The following DENND1A variants were observed in gnomAD, a reference collection of about 807,000 sequenced individuals.
DENND1A encodes DENN domain containing 1A, also known as DENN domain-containing protein 1A.
In DENND1A, 51 loss-of-function variants were observed where a neutral mutation model predicts 113.7. That is an observed-to-expected ratio of 0.45 (90% CI 0.36 to 0.57). DENND1A has a LOEUF of 0.57. Among genes scored for constraint, DENND1A ranks in the 20% least tolerant of loss-of-function variants. DENND1A has a pLI of 0.00. For synonymous variants in DENND1A, 565 were observed against 570.8 expected, an observed-to-expected ratio of 0.99 and a Z score of 0.14; for missense variants, 1,258 against 1,395.9, an observed-to-expected ratio of 0.90 and a Z score of 1.57.
chr9:123,581,301 C>T (rs2058880826), intron 12 of DENND1A, among the ~76,000 whole-genome samples: 1 of 152,190 alleles, frequency 6.6e-6, no homozygotes, highest in African/African-American at 2.4e-5. Context: ...CAAATGACTC[C>T]CCCAAAATCT....
intron 5 of DENND1A, among the ~76,000 whole-genome samples, chr9:123,743,405 GATAAATAAATAA>G (rs113375616): frequency 3.4e-5 from 5 of 147,990 alleles, no homozygotes; most frequent in Admixed American, 6.7e-5. Context: ...AGTCCCAAAA[GATAAATAAATAA>G]ATAAATAAAT....
intron 2 of DENND1A, among the ~76,000 whole-genome samples, chr9:123,827,436 C>A (rs1839526081): frequency 6.7e-6 from 1 of 149,360 alleles, no homozygotes; most frequent in Admixed American, 6.7e-5. Flanking sequence ...GAACACCTGA[C>A]CCTGGGAGGT....
intron 10 of DENND1A, among the ~76,000 whole-genome samples, chr9:123,616,722 A>C (rs1254793877): frequency 6.6e-6 from 1 of 152,190 alleles, no homozygotes; most frequent in Non-Finnish European, 1.5e-5. Flanking sequence ...CACAGGAGAA[A>C]AATAAACCAG....
intron 13 of DENND1A, among the ~76,000 whole-genome samples, chr9:123,506,218 G>C (rs2052917853): frequency 6.6e-6 from 1 of 152,152 alleles, no homozygotes; most frequent in Admixed American, 6.5e-5. Flanking sequence ...TTACCTCACA[G>C]GGTGGTTGTG....
intron 19 of DENND1A, among the ~76,000 whole-genome samples, chr9:123,423,291 G>A (rs2045455647): frequency 1.3e-5 from 2 of 152,186 alleles, no homozygotes; most frequent in African/African-American, 4.8e-5. Context: ...CCTTTTGCAA[G>A]CCAAAGTGAA....
intron 5 of DENND1A, among the ~76,000 whole-genome samples, chr9:123,677,890 T>C (rs761226605): frequency 3.3e-5 from 5 of 152,206 alleles, no homozygotes; most frequent in Non-Finnish European, 5.9e-5. Flanking sequence ...GGTTGTCCTC[T>C]GTCTACTTCC....
At chr9:123,676,055 A>G (rs2064059060) in intron 6 of DENND1A, among the ~76,000 whole-genome samples, 2 of 152,224 alleles carry the variant, frequency 1.3e-5, no homozygotes, top group Admixed American at 1.3e-4. Flanking sequence ...AATATTTATA[A>G]CATTTTTAAT....
chr9:123,867,975 G>A (rs1846018910), intron 2 of DENND1A, among the ~76,000 whole-genome samples: 1 of 152,160 alleles, frequency 6.6e-6, no homozygotes, highest in Admixed American at 6.5e-5. Flanking sequence ...CAACACAGAA[G>A]ACAGAGAATC....
chr9:123,831,093 CAGCTT>C (rs1840148101), intron 2 of DENND1A, among the ~76,000 whole-genome samples: 1 of 151,990 alleles, frequency 6.6e-6, no homozygotes, highest in Admixed American at 6.6e-5. Flanking sequence ...ATCAATAAAA[CAGCTT>C]AGCAAATGTG....
At chr9:123,688,791 T>C (rs1473743267) in intron 5 of DENND1A, among the ~76,000 whole-genome samples, 3 of 152,148 alleles carry the variant, frequency 2.0e-5, no homozygotes, top group Non-Finnish European at 2.9e-5. Context: ...ATGGAATTCT[T>C]ACCCTCAGCC....
At chr9:123,705,300 TCTTTA>T (rs1246371784) in intron 5 of DENND1A, among the ~76,000 whole-genome samples, 1 of 152,194 alleles carries the variant, frequency 6.6e-6, no homozygotes, top group East Asian at 1.9e-4. Flanking sequence ...ATATTCATTA[TCTTTA>T]CTTCTGCTCA....
intron 2 of DENND1A, among the ~76,000 whole-genome samples, chr9:123,836,324 T>C (rs1841039856): frequency 6.6e-6 from 1 of 152,088 alleles, no homozygotes; most frequent in Non-Finnish European, 1.5e-5. Context: ...GGCTCACATA[T>C]GAATTAACAA....
intron 13 of DENND1A, among the ~76,000 whole-genome samples, chr9:123,499,084 A>G (rs1472211288): frequency 6.6e-6 from 1 of 151,656 alleles, no homozygotes; most frequent in East Asian, 1.9e-4. Flanking sequence ...CCCAGACTGG[A>G]GTGCAGTGTC....
chr9:123,591,855 A>G lies in DENND1A; in HGVS notation c.766-8585T>C, dbSNP rs558954311. Among the ~76,000 whole-genome samples the G allele has an allele frequency of 2.1e-4, 32 of 152,366 alleles. No individual in the cohort carries two copies. In the East Asian group the frequency reaches 5.4e-3, roughly 26 times the overall value. On this transcript the variant is annotated intron_variant, in intron 11 of 23. Transcript: ENST00000394215. ...AATAATAATAACGATGGCAATGATAACAATCATGTAAAATTAGCATGATTA... is the reference window on the plus strand; with the variant it reads ...AATAATAATAACGATGGCAATGATAGCAATCATGTAAAATTAGCATGATTA...
chr9:123,475,591 C>CT (rs985952177), intron 13 of DENND1A, among the ~76,000 whole-genome samples: 2 of 152,236 alleles, frequency 1.3e-5, no homozygotes, highest in Non-Finnish European at 1.5e-5. Flanking sequence ...CGAGGCCCCC[C>CT]TGGCCTGCTG....
chr9:123,740,120 CAT>C (rs1299569935), intron 5 of DENND1A, among the ~76,000 whole-genome samples: 1 of 152,136 alleles, frequency 6.6e-6, no homozygotes, highest in African/African-American at 2.4e-5. Flanking sequence ...TCTTGCGCAA[CAT>C]GTTTACCTAT....
At chr9:123,415,456 G>A (rs1172325943) in intron 19 of DENND1A, among the ~76,000 whole-genome samples, 1 of 152,206 alleles carries the variant, frequency 6.6e-6, no homozygotes. Context: ...AAGAAGGGGA[G>A]GGCTGCACTA....
intron 12 of DENND1A, among the ~76,000 whole-genome samples, chr9:123,578,712 A>C (rs1311632414): frequency 1.3e-5 from 2 of 152,246 alleles, no homozygotes; most frequent in Non-Finnish European, 2.9e-5. Context: ...TGCTACTCCA[A>C]AAAACTGACA....
intron 19 of DENND1A, among the ~76,000 whole-genome samples, chr9:123,420,294 C>T (rs891801115): frequency 6.6e-6 from 1 of 152,224 alleles, no homozygotes; most frequent in Non-Finnish European, 1.5e-5. Flanking sequence ...AGGGAAGCCC[C>T]TTGCCCAAAG....
Sources: gnomAD v4.1 joint callset for allele counts (sites outside exome capture counted in the v4.1 genomes callset) on GRCh38, gnomAD v4.1.1 for gene constraint, MANE v1.5 for transcripts, NCBI Gene and HGNC (gene_info 2026-07-23, HGNC 2026-07-21) for gene names.